Variants in SMG6 observed in about 807,000 individuals in gnomAD.
SMG6 encodes SMG6 nonsense mediated mRNA decay factor, also known as telomerase-binding protein EST1A.
In SMG6, 66 loss-of-function variants were observed where a neutral mutation model predicts 142.2. The ratio of observed to expected loss-of-function variants is 0.46; its 90% CI spans 0.38 to 0.57. The LOEUF is 0.57. Among genes scored for constraint, SMG6 ranks in the 20% least tolerant of loss-of-function variants. The probability of loss-of-function intolerance (pLI) is 0.00; values close to 1 mark genes in which losing one functional copy is unlikely to be tolerated. For synonymous variants in SMG6, 779 were observed against 702.4 expected (o/e 1.11, Z -1.72); for missense variants, 1,793 against 1,832.0 (o/e 0.98, Z 0.39).
At chr17:2,088,699 G>A (rs2068632589) in intron 13 of SMG6, 1 of 985,320 alleles carries the variant, frequency 1.0e-6, no homozygotes, top group South Asian at 4.7e-5. Context: ...AGTGTACTGT[G>A]GGAGTGAGAA....
intron 6 of SMG6, among the ~76,000 whole-genome samples, chr17:2,288,791 C>CCAGGT (rs2074965446): frequency 6.6e-6 from 1 of 150,998 alleles, no homozygotes; most frequent in Non-Finnish European, 1.5e-5. Flanking sequence ...ATTAGCCAGG[C>CCAGGT]GTGAGCAGCC....
At chr17:2,209,427 C>T (rs553158054) in intron 10 of SMG6, among the ~76,000 whole-genome samples, 13 of 152,140 alleles carry the variant, frequency 8.5e-5, no homozygotes, top group African/African-American at 2.4e-4. Context: ...TGCAGTAGCA[C>T]GATCTCGGCT....
intron 15 of SMG6, among the ~76,000 whole-genome samples, chr17:2,075,073 C>T (rs1017969237): frequency 2.6e-5 from 4 of 152,224 alleles, no homozygotes; most frequent in African/African-American, 4.8e-5. Flanking sequence ...CCTGCCTTGA[C>T]GTGAACGTGC....
At chr17:2,064,679 G>C (rs906834083) in intron 18 of SMG6, among the ~76,000 whole-genome samples, 2 of 152,088 alleles carry the variant, frequency 1.3e-5, no homozygotes, top group East Asian at 3.9e-4. Context: ...GGGACCCCTG[G>C]GGGGCTGCCC....
chr17:2,110,415 G>A (rs185466263), intron 13 of SMG6, among the ~76,000 whole-genome samples: 18 of 152,194 alleles, frequency 1.2e-4, no homozygotes, highest in Admixed American at 1.1e-3. Flanking sequence ...GATTAACTAC[G>A]AGCTCTCTCT....
chr17:2,074,014 G>A (rs944419997), intron 15 of SMG6, among the ~76,000 whole-genome samples: 9 of 152,160 alleles, frequency 5.9e-5, no homozygotes, highest in African/African-American at 1.9e-4. Context: ...GGGAGGCAGC[G>A]GTTACAGTGA....
chr17:2,216,779 A>G (rs1056820630), intron 10 of SMG6, among the ~76,000 whole-genome samples: 1 of 152,190 alleles, frequency 6.6e-6, no homozygotes. Context: ...TAGTTGAGGG[A>G]TTTATGCATT....
Position 2,160,364 on chromosome 17 carries a change from G to A in SMG6, c.3357+12294C>T, listed in dbSNP as rs533984032. 3.3e-5 allele frequency among the ~76,000 whole-genome samples: 5 copies of A among 152,042 alleles called. No individual in the cohort carries two copies. The East Asian group carries it at 9.7e-4, about 30-fold the overall frequency. ...CCTCCCAAGTAGCTGGGATTACAGG[G>A]TGCACAACCAAACCTGGTTAATTTT... is the stretch of plus-strand genomic sequence containing the variant. On this transcript the variant is annotated intron_variant, in intron 13 of 18. Transcript: ENST00000263073.
chr17:2,137,297 A>G (rs757071179), intron 13 of SMG6, among the ~76,000 whole-genome samples: 1 of 152,240 alleles, frequency 6.6e-6, no homozygotes, highest in Non-Finnish European at 1.5e-5. Context: ...AGGGAGTACC[A>G]AAAGTGGTGA....
chr17:2,280,138 G>C (rs1296005225), intron 8 of SMG6, among the ~76,000 whole-genome samples: 1 of 152,132 alleles, frequency 6.6e-6, no homozygotes, highest in East Asian at 1.9e-4. Flanking sequence ...AGCAAGCTAA[G>C]CTCTTGGGAC....
intron 12 of SMG6, among the ~76,000 whole-genome samples, chr17:2,175,047 T>C (rs1175268808): frequency 6.6e-6 from 1 of 152,096 alleles, no homozygotes; most frequent in African/African-American, 2.4e-5. Context: ...CAGGGCCGCC[T>C]CCGAGGTTAG....
intron 13 of SMG6, among the ~76,000 whole-genome samples, chr17:2,170,238 A>G (rs375967328): frequency 1.3e-3 from 201 of 152,300 alleles, no homozygotes; most frequent in African/African-American, 4.6e-3. Flanking sequence ...CCTGTGGATC[A>G]CTACATAGGC....
chr17:2,208,594 T>C (rs890442700), intron 10 of SMG6, among the ~76,000 whole-genome samples: 6 of 152,238 alleles, frequency 3.9e-5, no homozygotes, highest in Admixed American at 6.5e-5. Context: ...ACAGTCAGCA[T>C]TCACCAAGTG....
intron 15 of SMG6, among the ~76,000 whole-genome samples, chr17:2,081,282 G>C (rs1317665365): frequency 1.3e-5 from 2 of 152,178 alleles, no homozygotes; most frequent in South Asian, 2.1e-4. Context: ...ACAGGCCCGT[G>C]AGAGGGCTGA....
intron 10 of SMG6, among the ~76,000 whole-genome samples, chr17:2,230,649 C>A (rs533013403): frequency 2.1e-4 from 32 of 152,282 alleles, no homozygotes; most frequent in Middle Eastern, 3.4e-3. Context: ...ATACTCACTT[C>A]TCTTCAGGGA....
chr17:2,297,395 A>G, intron 3 of SMG6, 42 bp from the exon 4 acceptor site: 2 of 1,455,898 alleles, frequency 1.4e-6, no homozygotes, highest in Non-Finnish European at 1.9e-6. Flanking sequence ...AATCTATTCT[A>G]ATCCAACCTA....
intron 13 of SMG6, chr17:2,089,711 T>C (rs540536825): frequency 3.9e-5 from 6 of 152,172 alleles, no homozygotes; most frequent in Middle Eastern, 6.8e-3. Context: ...GGAGAGGCGA[T>C]ACCGGAGGCT....
At chr17:2,246,657 T>C (rs2073933870) in intron 8 of SMG6, among the ~76,000 whole-genome samples, 1 of 152,078 alleles carries the variant, frequency 6.6e-6, no homozygotes. Context: ...ATCAACAGAA[T>C]GGAAGAGGCC....
At position 2,253,159 on chromosome 17, in the gene SMG6, T is replaced by TTTATTTATTTA. The variant is rs1567720216; in HGVS notation, c.2662-8441_2662-8440insTAAATAAATAA. ...TATTTATTTATTTATTTATTTATTT[T>TTTATTTATTTA]GAGATGGAGTCTCGCTCTGTCACCC... On this transcript the variant is annotated intron_variant, in intron 8 of 18. Transcript: ENST00000263073. Among the ~76,000 whole-genome samples the TTTATTTATTTA allele has an allele frequency of 2.7e-3, 301 of 110,030 alleles. 2 individuals carry two copies. Among genetic ancestry groups the TTTATTTATTTA allele is most frequent in the Middle Eastern group, 0.014 (3 of 212 alleles). The allele number at this position is 110,030 out of a possible 152,430, so 72.2% of individuals were successfully genotyped here.
Sources: gnomAD v4.1 joint callset for allele counts (sites outside exome capture counted in the v4.1 genomes callset) on GRCh38, gnomAD v4.1.1 for gene constraint, MANE v1.5 for transcripts, NCBI Gene and HGNC (gene_info 2026-07-23, HGNC 2026-07-21) for gene names.